TMEM232: variants seen among roughly 807,000 people sequenced by gnomAD.
The protein encoded by TMEM232 is transmembrane protein 232.
In TMEM232, 80 loss-of-function variants were observed where a neutral mutation model predicts 78.8. That is an observed-to-expected ratio of 1.01 (90% confidence interval 0.85 to 1.22). The LOEUF is 1.22. Ranked by LOEUF, TMEM232 falls within the 50% of genes most tolerant of loss-of-function variation. TMEM232 has a pLI of 0.00. For missense variants in TMEM232, 881 were observed against 742.2 expected (o/e 1.19, Z -2.17); for synonymous variants, 297 against 254.3 (o/e 1.17, Z -1.60).
At chr5:110,517,009 T>A (rs1768770655) in intron 12 of TMEM232, among the ~76,000 whole-genome samples, 1 of 152,200 alleles carries the variant, frequency 6.6e-6, no homozygotes, top group Admixed American at 6.5e-5. Context: ...TCTCTGCCCT[T>A]TTAAATGTGC....
chr5:110,718,787 A>C lies in TMEM232; in HGVS notation c.-13+7840T>G, dbSNP rs73785347. Among the ~76,000 whole-genome samples, 1,200 of 151,500 alleles carry C rather than the reference A, an allele frequency of 7.9e-3. 18 individuals are homozygous for C. The highest frequency in any genetic ancestry group is 0.028 in the African/African-American group (1,156 of 41,322). On this transcript the variant is annotated intron_variant, in intron 1 of 13. Coordinates refer to ENST00000455884, the MANE Select transcript of TMEM232 (RefSeq NM_001039763.4). ...TCTAAGGGTTCTATTCATTTTTTTCATTTTGTTTCTTCTCTTTTCTTTGGA... is the reference window on the plus strand; with the variant it reads ...TCTAAGGGTTCTATTCATTTTTTTCCTTTTGTTTCTTCTCTTTTCTTTGGA...
At chr5:110,655,038 G>C (rs535505666) in intron 2 of TMEM232, among the ~76,000 whole-genome samples, 1 of 152,142 alleles carries the variant, frequency 6.6e-6, no homozygotes, top group East Asian at 1.9e-4. Context: ...GGTAACAAAA[G>C]CCAAAATTGA....
At chr5:110,635,388 A>G (rs111424825) in intron 5 of TMEM232, among the ~76,000 whole-genome samples, 6 of 152,190 alleles carry the variant, frequency 3.9e-5, no homozygotes, top group Non-Finnish European at 7.4e-5. Flanking sequence ...CAAAGAAAGA[A>G]AACTACAGGC....
chr5:110,671,011 C>T (rs1791284979), intron 1 of TMEM232, among the ~76,000 whole-genome samples: 1 of 151,978 alleles, frequency 6.6e-6, no homozygotes, highest in African/African-American at 2.4e-5. Flanking sequence ...AAGAAAACAT[C>T]TTCAAAAGAA....
intron 1 of TMEM232, among the ~76,000 whole-genome samples, chr5:110,709,355 A>G (rs1026332935): frequency 1.6e-4 from 25 of 152,184 alleles, no homozygotes; most frequent in African/African-American, 5.8e-4. Context: ...AGAAACATCA[A>G]ATTTAATTAG....
intron 11 of TMEM232, among the ~76,000 whole-genome samples, chr5:110,541,692 ACT>A (rs112409091): frequency 0.045 from 6,787 of 152,232 alleles, 535 homozygotes; most frequent in African/African-American, 0.15. Flanking sequence ...GGTTCAGCTT[ACT>A]GTCTGTAGCC....
At chr5:110,612,108 A>G (rs1782370554) in intron 8 of TMEM232, among the ~76,000 whole-genome samples, 2 of 152,164 alleles carry the variant, frequency 1.3e-5, no homozygotes. Context: ...GATGTTTTTC[A>G]TATTACTTAT....
chr5:110,388,858 G>A (rs1014778497), intron 4 of TMEM232, among the ~76,000 whole-genome samples: 1 of 152,212 alleles, frequency 6.6e-6, no homozygotes, highest in African/African-American at 2.4e-5. Context: ...GGAAAGATGA[G>A]CAAGGTATTT....
At chr5:110,732,354 G>A (rs1379814307) in intron 2 of TMEM232, among the ~76,000 whole-genome samples, 2 of 152,008 alleles carry the variant, frequency 1.3e-5, no homozygotes, top group Admixed American at 6.6e-5. Flanking sequence ...TTTCAGCAAC[G>A]TCCTACTCTA....
intron 12 of TMEM232, among the ~76,000 whole-genome samples, chr5:110,446,000 A>C (rs908159569): frequency 1.3e-5 from 2 of 152,148 alleles, no homozygotes; most frequent in Non-Finnish European, 2.9e-5. Context: ...AAAGAAAGAG[A>C]TTACACAGGA....
intron 2 of TMEM232, 94 bp downstream of exon 2, chr5:110,667,134 T>C: frequency 9.9e-7 from 1 of 1,009,932 alleles, no homozygotes; most frequent in South Asian, 1.9e-5. Flanking sequence ...TAATCTTTGG[T>C]TAGAGAACTA....
At position 110,574,869 on chromosome 5, in the gene TMEM232, T is replaced by C. The variant is rs950338157; in HGVS notation, c.1277-6244A>G. ...ATATAAACCATAACCCTGAGTAAAA[T>C]GACCTTGCTGAATTCTGTGAGTCCT... is the stretch of plus-strand genomic sequence containing the variant. On this transcript the variant is annotated intron_variant, in intron 10 of 13. Transcript: ENST00000455884. Among the ~76,000 whole-genome samples the C allele has an allele frequency of 9.2e-5, 14 of 152,070 alleles. 1 individual carries two copies. The highest frequency in any genetic ancestry group is 9.2e-4 in the Admixed American group (14 of 15,244).
downstream of TMEM232, among the ~76,000 whole-genome samples, chr5:110,414,994 T>C (rs976921042): frequency 2.7e-4 from 41 of 152,150 alleles, no homozygotes; most frequent in Admixed American, 1.6e-3. Context: ...ACCCTGACAA[T>C]TGCATGTGTC....
intron 10 of TMEM232, among the ~76,000 whole-genome samples, chr5:110,593,793 G>A (rs1779821652): frequency 6.6e-6 from 1 of 151,956 alleles, no homozygotes; most frequent in African/African-American, 2.4e-5. Context: ...ATAATTTCTT[G>A]TACTTTTACA....
rs371898638 is a variant in TMEM232 at position 110,683,034 on chromosome 5, T to C, written c.-12-15670A>G. Among the ~76,000 whole-genome samples, 17 of 152,270 alleles carry C rather than the reference T, an allele frequency of 1.1e-4. No homozygotes were observed. The East Asian group carries it at 3.1e-3, about 28-fold the overall frequency. ...ACTTTAACTGCAGGTGCCTCAGTTA[T>C]CTCATCTACAAATAGGGATTATATT... is the stretch of plus-strand genomic sequence containing the variant. On this transcript the variant is annotated intron_variant, in intron 1 of 13. Transcript: ENST00000455884.
downstream of TMEM232, among the ~76,000 whole-genome samples, chr5:110,417,102 A>G (rs1163991946): frequency 6.6e-6 from 1 of 152,222 alleles, no homozygotes; most frequent in Non-Finnish European, 1.5e-5. Context: ...ATGGAAACTT[A>G]TGAAACCCAT....
intron 12 of TMEM232, among the ~76,000 whole-genome samples, chr5:110,480,208 A>G (rs747158122): frequency 3.3e-5 from 5 of 151,716 alleles, no homozygotes; most frequent in Non-Finnish European, 7.4e-5. Flanking sequence ...TGGGAGAAAA[A>G]GAAGCTTCTA....
intron 1 of TMEM232, among the ~76,000 whole-genome samples, chr5:110,716,724 T>C (rs1019213228): frequency 6.6e-6 from 1 of 152,156 alleles, no homozygotes; most frequent in African/African-American, 2.4e-5. Flanking sequence ...GCCAGGGTTA[T>C]GGGGATCCCT....
chr5:110,626,148 C>A (rs1784397504), intron 6 of TMEM232, among the ~76,000 whole-genome samples: 1 of 151,690 alleles, frequency 6.6e-6, no homozygotes, highest in East Asian at 1.9e-4. Context: ...GGTAAGAGGG[C>A]ACAATTTGGG....
Sources: allele counts gnomAD v4.1 joint callset (sites outside exome capture counted in the v4.1 genomes callset), GRCh38; gene constraint gnomAD v4.1.1; transcripts MANE v1.5; gene names NCBI Gene and HGNC (gene_info 2026-07-23, HGNC 2026-07-21).